PRDM11: variants seen among roughly 807,000 people sequenced by gnomAD.
The protein encoded by PRDM11 is PR/SET domain 11.
A neutral mutation model predicts 97.8 loss-of-function variants in PRDM11; 20 were observed. That is an observed-to-expected ratio of 0.20 (90% CI 0.14 to 0.30). PRDM11 has a LOEUF of 0.30. PRDM11 is among the 10% of genes least tolerant of loss of function. The pLI, the probability that PRDM11 is intolerant of heterozygous loss-of-function variation, is 1.00. For missense variants in PRDM11, 1,139 were observed against 1,555.2 expected (o/e 0.73, Z 4.50); for synonymous variants, 599 against 637.7 (o/e 0.94, Z 0.91).
chr11:45,227,376 G>A lies in PRDM11; in HGVS notation c.2751G>A (p.Gln917=). ...ATGACAAGATCGAGGAGGCCATCCA[G>A]GAGATCAGCCGGCTGGCTGACTCCC... is the stretch of plus-strand genomic sequence containing the variant. ...QVDDKIEEAI[Q]EISRLADSPG... is the part of the protein sequence containing the mutation. Residue 917 remains glutamine (Q), a synonymous_variant, in exon 8 of 8, where the codon CAG becomes CAA. Transcript: ENST00000683152. This position sits in a 1 kb window ranked among gnomAD's most constrained non-coding sequence, Gnocchi z 8.0. 1 of 1,533,966 alleles carries A rather than the reference G, an allele frequency of 6.5e-7. No homozygotes were observed. The highest frequency in any genetic ancestry group is 8.7e-7 in the Non-Finnish European group (1 of 1,146,744).
In PRDM11 at chr11:45,191,227, G is replaced by T. The variant is rs548953491; in HGVS notation, c.486+8104G>T. Among the ~76,000 whole-genome samples the T allele has an allele frequency of 5.4e-4, 82 of 152,242 alleles. 1 individual carries two copies. In the South Asian group the frequency reaches 0.016, roughly 30 times the overall value. On this transcript the variant is annotated intron_variant, in intron 4 of 7. Transcript: ENST00000683152. ...TTTGTCTGATTGTTTCTTCATGGTG[G>T]ATTCCGATTACAGCTTTTTGGCACA...
At chr11:45,181,948 T>A in intron 2 of PRDM11, 63 bp downstream of exon 2, 1 of 1,477,388 alleles carries the variant, frequency 6.8e-7, no homozygotes, top group Non-Finnish European at 9.3e-7. Context: ...TGGGCTCGGT[T>A]GGTTGGGAAC....
Position 45,182,925 on chromosome 11 carries a change from G to A in PRDM11, c.288G>A (p.Val96=). 1 of 1,613,618 alleles carries A rather than the reference G, an allele frequency of 6.2e-7. No homozygotes were observed. The highest frequency in any genetic ancestry group is 1.1e-5 in the South Asian group (1 of 91,066). ...CAAACCATGGCCCCCCGGTGTTTGTGTCTGACACACCGGTGCCCGTGGGCA... is the reference window on the plus strand; with the variant it reads ...CAAACCATGGCCCCCCGGTGTTTGTATCTGACACACCGGTGCCCGTGGGCA... ...ECPNHGPPVF[V]SDTPVPVGIP... is the part of the protein sequence containing the mutation. Residue 96 remains valine, a synonymous_variant, in exon 4 of 8, where the codon GTG becomes GTA. Coordinates refer to ENST00000683152, the MANE Select transcript of PRDM11 (RefSeq NM_001384648.1).
chr11:45,117,733 C>G (rs1852335113), intron 1 of PRDM11, among the ~76,000 whole-genome samples: 2 of 151,664 alleles, frequency 1.3e-5, no homozygotes, highest in Admixed American at 1.3e-4. Context: ...GGTGATAGAG[C>G]AAGATGCCAT....
chr11:45,108,846 C>A (rs1254474723), intron 1 of PRDM11, among the ~76,000 whole-genome samples: 1 of 152,262 alleles, frequency 6.6e-6, no homozygotes, highest in Non-Finnish European at 1.5e-5. Context: ...GCAGGCCAGG[C>A]AGCCTGCCTG....
chr11:45,135,318 G>A (rs551372053), intron 1 of PRDM11, among the ~76,000 whole-genome samples: 6 of 152,206 alleles, frequency 3.9e-5, no homozygotes, highest in East Asian at 3.9e-4. Flanking sequence ...AATAATATAA[G>A]AAAATTAACC....
intron 1 of PRDM11, among the ~76,000 whole-genome samples, chr11:45,171,660 G>T (rs146282945): frequency 6.6e-4 from 100 of 152,294 alleles, no homozygotes; most frequent in African/African-American, 2.3e-3. Flanking sequence ...ATGGGACTGG[G>T]GATAGAGGGA....
intron 1 of PRDM11, among the ~76,000 whole-genome samples, 155 bp downstream of exon 1, chr11:45,147,032 G>A (rs1314416013): frequency 6.9e-6 from 1 of 145,542 alleles, no homozygotes; most frequent in Non-Finnish European, 1.5e-5. Flanking sequence ...GCGGGGCGGG[G>A]GTCCGGACGG....
chr11:45,221,830 G>T (rs1352034683), intron 6 of PRDM11, among the ~76,000 whole-genome samples: 2 of 152,254 alleles, frequency 1.3e-5, no homozygotes, highest in Non-Finnish European at 2.9e-5. Flanking sequence ...TGGTCATGGA[G>T]CTCAGTGGCT....
chr11:45,127,632 C>T (rs12294770), intron 1 of PRDM11, among the ~76,000 whole-genome samples: 6,085 of 152,300 alleles, frequency 0.04, 425 homozygotes, highest in African/African-American at 0.14. Context: ...GTATCAGCAG[C>T]GGTGGCTGCA....
At chr11:45,113,545 G>T (rs571821665) in intron 1 of PRDM11, among the ~76,000 whole-genome samples, 1 of 152,224 alleles carries the variant, frequency 6.6e-6, no homozygotes, top group Admixed American at 6.5e-5. Flanking sequence ...GGGCAGTATG[G>T]TCATCTTCAC....
chr11:45,156,240 C>T (rs1271726680), intron 1 of PRDM11, among the ~76,000 whole-genome samples: 1 of 152,246 alleles, frequency 6.6e-6, no homozygotes, highest in African/African-American at 2.4e-5. Flanking sequence ...GCAGGTCACC[C>T]TCTCTGTGCC....
intron 5 of PRDM11, among the ~76,000 whole-genome samples, chr11:45,215,143 A>G (rs1853919698): frequency 6.6e-6 from 1 of 152,194 alleles, no homozygotes. Context: ...ACCTGGAGGC[A>G]TGACCCTCCC....
At chr11:45,183,155 G>A in intron 4 of PRDM11, 32 bp downstream of exon 4, 2 of 1,586,210 alleles carry the variant, frequency 1.3e-6, no homozygotes, top group African/African-American at 1.3e-5. Flanking sequence ...CATGGGAGAG[G>A]TTGCCAAGAA....
chr11:45,224,405 G>GT lies in PRDM11; in HGVS notation c.931_932insT (p.Ala311ValfsTer30). ...CCTGATTTTCAAGGATGTTCTGGAG[G>GT]CCTCACTGGAATCTGCGAAGGTGGA... On this transcript the variant is annotated frameshift_variant, in exon 7 of 8. Transcript: ENST00000683152. LOFTEE classifies it high-confidence loss of function. 1 of 1,614,218 alleles carries GT rather than the reference G, an allele frequency of 6.2e-7. No individual in the cohort carries two copies. The highest frequency in any genetic ancestry group is 1.3e-5 in the African/African-American group (1 of 75,050).
chr11:45,145,520 G>T (rs1391742859), upstream of PRDM11, among the ~76,000 whole-genome samples: 2 of 152,194 alleles, frequency 1.3e-5, no homozygotes, highest in African/African-American at 4.8e-5. Context: ...TACCCTCTGG[G>T]GGCCGTCTGG....
chr11:45,128,633 A>C (rs950350694), intron 1 of PRDM11, among the ~76,000 whole-genome samples: 13 of 152,120 alleles, frequency 8.5e-5, no homozygotes, highest in African/African-American at 3.1e-4. Flanking sequence ...ACTGTAGTCT[A>C]ATATTCATTT....
At chr11:45,114,537 C>T (rs536560852) in intron 1 of PRDM11, among the ~76,000 whole-genome samples, 82 of 151,954 alleles carry the variant, frequency 5.4e-4, no homozygotes, top group African/African-American at 1.9e-3. Context: ...ATAAACTGTC[C>T]CAAACTTGGT....
At chr11:45,157,655 C>T (rs1851833367) in intron 1 of PRDM11, among the ~76,000 whole-genome samples, 1 of 152,232 alleles carries the variant, frequency 6.6e-6, no homozygotes, top group Non-Finnish European at 1.5e-5. Context: ...CTCTCTTTGT[C>T]CCCTGAGTCG....
Sources: allele counts gnomAD v4.1 joint callset (sites outside exome capture counted in the v4.1 genomes callset), GRCh38; gene constraint gnomAD v4.1.1; non-coding constraint Gnocchi (gnomAD v3.1); transcripts MANE v1.5; gene names NCBI Gene and HGNC (gene_info 2026-07-23, HGNC 2026-07-21).